CAMTA1: variants seen among roughly 807,000 people sequenced by gnomAD.
The protein encoded by CAMTA1 is calmodulin-binding transcription activator 1.
A neutral mutation model predicts 170.9 loss-of-function variants in CAMTA1; 27 were observed. That is an observed-to-expected ratio of 0.16 (90% CI 0.12 to 0.22). CAMTA1 has a LOEUF of 0.22. CAMTA1 is among the 10% of genes least tolerant of loss of function. The pLI, the probability that CAMTA1 is intolerant of heterozygous loss-of-function variation, is 1.00. For synonymous variants in CAMTA1, 833 were observed against 891.5 expected, an observed-to-expected ratio of 0.93 and a Z score of 1.17; for missense variants, 1,619 against 2,217.2, an observed-to-expected ratio of 0.73 and a Z score of 5.42.
Position 7,703,018 on chromosome 1 carries a change from C to T in CAMTA1, c.2914+25285C>T, listed in dbSNP as rs190223900. Reference sequence around the variant, plus strand: ...GAGCACACAGCTAGCAACGAGCCCACTCTGAACCCAGGGGGGTTGGTTTCC... The same window carrying T: ...GAGCACACAGCTAGCAACGAGCCCATTCTGAACCCAGGGGGGTTGGTTTCC... On this transcript the variant is annotated intron_variant, in intron 11 of 22. Transcript: ENST00000303635. Among the ~76,000 whole-genome samples, 102 of 152,334 alleles carry T rather than the reference C, an allele frequency of 6.7e-4. 1 individual carries two copies. The Middle Eastern group carries it at 0.024, about 36-fold the overall frequency.
chr1:7,543,109 C>T (rs1054366433), intron 6 of CAMTA1, among the ~76,000 whole-genome samples: 1 of 152,018 alleles, frequency 6.6e-6, no homozygotes, highest in Non-Finnish European at 1.5e-5. Flanking sequence ...CCTCGTAATC[C>T]GCCCACCTCG....
chr1:7,453,040 G>A (rs1348738860), intron 5 of CAMTA1, among the ~76,000 whole-genome samples: 1 of 152,210 alleles, frequency 6.6e-6, no homozygotes, highest in East Asian at 1.9e-4. Context: ...CAGCCCCCAG[G>A]ACCTCCTGGC....
At chr1:7,163,839 C>T (rs2148781195) in intron 4 of CAMTA1, among the ~76,000 whole-genome samples, 1 of 152,302 alleles carries the variant, frequency 6.6e-6, no homozygotes, top group Admixed American at 6.5e-5. Context: ...GGAATTCCCA[C>T]TATATGCTCT....
intron 11 of CAMTA1, among the ~76,000 whole-genome samples, chr1:7,697,989 G>A (rs2096394555): frequency 6.6e-6 from 1 of 151,798 alleles, no homozygotes; most frequent in African/African-American, 2.4e-5. Context: ...CTGCACTCAT[G>A]GGACTGATGA....
intron 3 of CAMTA1, among the ~76,000 whole-genome samples, chr1:6,826,112 T>C (rs1231060543): frequency 6.6e-6 from 1 of 152,234 alleles, no homozygotes; most frequent in Non-Finnish European, 1.5e-5. Context: ...TAGTGCTGCC[T>C]ATTGAGCCTT....
At chr1:7,704,710 T>G (rs995736069) in intron 11 of CAMTA1, among the ~76,000 whole-genome samples, 1 of 147,358 alleles carries the variant, frequency 6.8e-6, no homozygotes, top group Admixed American at 6.7e-5. Context: ...GGCGGCGCAC[T>G]CGGGCAGTGG....
intron 1 of CAMTA1, among the ~76,000 whole-genome samples, chr1:6,798,676 A>G (rs1212490793): frequency 2.3e-5 from 3 of 131,436 alleles, no homozygotes; most frequent in Admixed American, 7.5e-5. Context: ...GGCTCACTGC[A>G]AGCTCCGCTT....
intron 3 of CAMTA1, among the ~76,000 whole-genome samples, chr1:6,865,334 A>C (rs1410572203): frequency 6.6e-6 from 1 of 152,100 alleles, no homozygotes; most frequent in African/African-American, 2.4e-5. Context: ...CATTCACCAG[A>C]CAGTTACTGG....
chr1:7,428,440 C>T (rs189746291), intron 5 of CAMTA1, among the ~76,000 whole-genome samples: 15 of 117,622 alleles, frequency 1.3e-4, no homozygotes, highest in African/African-American at 5.1e-4. Context: ...GGGCCGATCA[C>T]CACATCAGGG....
intron 3 of CAMTA1, among the ~76,000 whole-genome samples, chr1:6,926,708 C>T (rs200332367): frequency 8.6e-6 from 1 of 116,570 alleles, no homozygotes. Flanking sequence ...TCTCTCCTTC[C>T]TTCCTTCTCT....
intron 5 of CAMTA1, among the ~76,000 whole-genome samples, chr1:7,458,759 A>T (rs928480956): frequency 2.0e-5 from 3 of 152,346 alleles, no homozygotes; most frequent in Admixed American, 1.3e-4. Flanking sequence ...TGGCAGGGCC[A>T]CAAGCTGCTT....
intron 4 of CAMTA1, among the ~76,000 whole-genome samples, chr1:7,121,643 G>T (rs1412566334): frequency 6.6e-6 from 1 of 152,200 alleles, no homozygotes; most frequent in African/African-American, 2.4e-5. Context: ...TGCCCAGGGG[G>T]TCTCTGGAAA....
chr1:7,573,975 T>G (rs2150350903), intron 6 of CAMTA1, among the ~76,000 whole-genome samples: 1 of 151,954 alleles, frequency 6.6e-6, no homozygotes, highest in Non-Finnish European at 1.5e-5. Context: ...GGTTTCACCC[T>G]GTTGGCCATG....
In CAMTA1 at chr1:6,835,296, C is replaced by T. The variant is rs572316212; in HGVS notation, c.234+10086C>T. On this transcript the variant is annotated intron_variant, in intron 3 of 22. Transcript: ENST00000303635. Reference sequence around the variant, plus strand: ...GTTGAGTGGAGTTTCTAGTTGCACTCGAGACTCTGTACTGTGCAGACAGTT... The same window carrying T: ...GTTGAGTGGAGTTTCTAGTTGCACTTGAGACTCTGTACTGTGCAGACAGTT... Among the ~76,000 whole-genome samples, 20 of 152,262 alleles carry T rather than the reference C, an allele frequency of 1.3e-4. No homozygotes were observed. In the East Asian group the frequency reaches 1.9e-3, roughly 15 times the overall value.
chr1:7,281,792 A>G (rs1201329811), intron 5 of CAMTA1, among the ~76,000 whole-genome samples: 1 of 144,520 alleles, frequency 6.9e-6, no homozygotes, highest in Non-Finnish European at 1.5e-5. Flanking sequence ...ATGGAAGGGG[A>G]AAGAAATTGT....
intron 4 of CAMTA1, among the ~76,000 whole-genome samples, chr1:7,246,913 C>G (rs1665903962): frequency 6.6e-6 from 1 of 152,096 alleles, no homozygotes; most frequent in Non-Finnish European, 1.5e-5. Flanking sequence ...AGTGATCCAC[C>G]TGCCTCGGCC....
At chr1:7,548,114 T>C (rs1035124728) in intron 6 of CAMTA1, among the ~76,000 whole-genome samples, 2 of 152,204 alleles carry the variant, frequency 1.3e-5, no homozygotes, top group Non-Finnish European at 2.9e-5. Context: ...GAATTAACAA[T>C]TGCAAACAAT....
rs556172500 is a variant in CAMTA1 at position 6,870,998 on chromosome 1, A to G, written c.234+45788A>G. ...ATTTGGGTGGTAGCTTCATGTTTCAAAACAAAACCATAGGTCTATCCTTTT... is the reference window on the plus strand; with the variant it reads ...ATTTGGGTGGTAGCTTCATGTTTCAGAACAAAACCATAGGTCTATCCTTTT... On this transcript the variant is annotated intron_variant, in intron 3 of 22. Transcript: ENST00000303635. Among the ~76,000 whole-genome samples the G allele has an allele frequency of 1.5e-4, 23 of 152,346 alleles. No homozygotes were observed. The Middle Eastern group carries it at 0.014, about 90-fold the overall frequency.
At chr1:7,376,653 C>T (rs1213309947) in intron 5 of CAMTA1, among the ~76,000 whole-genome samples, 1 of 152,206 alleles carries the variant, frequency 6.6e-6, no homozygotes, top group Non-Finnish European at 1.5e-5. Flanking sequence ...ACACCCATTT[C>T]ATACTAGAGA....
Sources: allele counts gnomAD v4.1 joint callset (sites outside exome capture counted in the v4.1 genomes callset), GRCh38; gene constraint gnomAD v4.1.1; transcripts MANE v1.5; gene names NCBI Gene and HGNC (gene_info 2026-07-23, HGNC 2026-07-21).